Variants in UNC5D observed in about 807,000 individuals in gnomAD.
UNC5D encodes unc-5 netrin receptor D.
A neutral mutation model predicts 105.4 loss-of-function variants in UNC5D; 39 were observed. The ratio of observed to expected loss-of-function variants is 0.37; its 90% CI spans 0.29 to 0.48. The LOEUF (loss-of-function observed/expected upper bound fraction) is 0.48, where lower values mean the gene tolerates loss of function less well. Among genes scored for constraint, UNC5D ranks in the 20% least tolerant of loss-of-function variants. The pLI, the probability that UNC5D is intolerant of heterozygous loss-of-function variation, is 0.98. For missense variants in UNC5D, 991 were observed against 1,202.4 expected (o/e 0.82, Z 2.60); for synonymous variants, 452 against 450.4 (o/e 1.00, Z -0.04).
intron 16 of UNC5D, among the ~76,000 whole-genome samples, chr8:35,788,826 A>G (rs1802874766): frequency 1.3e-5 from 2 of 151,938 alleles, no homozygotes; most frequent in South Asian, 4.1e-4. Flanking sequence ...GAATTGAACC[A>G]TTGGACACAG....
intron 1 of UNC5D, among the ~76,000 whole-genome samples, chr8:35,543,729 A>G (rs1815437028): frequency 6.6e-6 from 1 of 152,138 alleles, no homozygotes; most frequent in African/African-American, 2.4e-5. Flanking sequence ...AGTTCTCTCA[A>G]AAATATTTAT....
intron 1 of UNC5D, among the ~76,000 whole-genome samples, chr8:35,263,757 G>A (rs1804646238): frequency 2.0e-5 from 3 of 152,304 alleles, no homozygotes; most frequent in Non-Finnish European, 4.4e-5. Context: ...AGAATTAGGT[G>A]GCTGATTTTT....
chr8:35,778,104 T>C (rs1483125528), intron 16 of UNC5D, among the ~76,000 whole-genome samples: 1 of 152,188 alleles, frequency 6.6e-6, no homozygotes, highest in East Asian at 1.9e-4. Context: ...TTTTAAGTAG[T>C]ACTGAAAAAG....
chr8:35,343,510 T>C (rs1045610934), intron 1 of UNC5D, among the ~76,000 whole-genome samples: 3 of 152,148 alleles, frequency 2.0e-5, no homozygotes, highest in African/African-American at 7.2e-5. Flanking sequence ...ATTGAGGTTT[T>C]AGTTTTTTTC....
chr8:35,405,784 G>A (rs1585767477), intron 1 of UNC5D, among the ~76,000 whole-genome samples: 1 of 151,710 alleles, frequency 6.6e-6, no homozygotes, highest in African/African-American at 2.4e-5. Flanking sequence ...CCAGCTTTTA[G>A]CACTTCTTTC....
intron 16 of UNC5D, among the ~76,000 whole-genome samples, chr8:35,782,171 C>A (rs1802531024): frequency 6.6e-6 from 1 of 152,108 alleles, no homozygotes; most frequent in African/African-American, 2.4e-5. Context: ...TTGTTGACTA[C>A]CCAGTGAAAT....
intron 1 of UNC5D, among the ~76,000 whole-genome samples, chr8:35,385,975 A>G (rs1034010067): frequency 4.6e-5 from 7 of 152,202 alleles, no homozygotes; most frequent in African/African-American, 1.4e-4. Context: ...ATACGATTCC[A>G]TACTATCTAT....
At chr8:35,644,559 G>T (rs1822935266) in intron 4 of UNC5D, among the ~76,000 whole-genome samples, 1 of 152,056 alleles carries the variant, frequency 6.6e-6, no homozygotes, top group South Asian at 2.1e-4. Context: ...GCACCATTTT[G>T]ATCAGTTTTA....
chr8:35,699,715 T>C (rs1827048168), intron 7 of UNC5D, among the ~76,000 whole-genome samples: 1 of 152,132 alleles, frequency 6.6e-6, no homozygotes, highest in Admixed American at 6.6e-5. Context: ...CTATACAGGC[T>C]GGGAAGCTGG....
chr8:35,733,431 C>T (rs928586767), intron 11 of UNC5D, among the ~76,000 whole-genome samples: 3 of 152,166 alleles, frequency 2.0e-5, no homozygotes, highest in Admixed American at 6.6e-5. Context: ...TTGGGCTGTA[C>T]GTCTGCCATC....
chr8:35,368,085 G>T (rs1024750138), intron 1 of UNC5D, among the ~76,000 whole-genome samples: 1 of 152,112 alleles, frequency 6.6e-6, no homozygotes, highest in Non-Finnish European at 1.5e-5. Flanking sequence ...TCCACTAAGT[G>T]ACATATTTCC....
At chr8:35,262,512 A>T (rs954354762) in intron 1 of UNC5D, among the ~76,000 whole-genome samples, 1 of 152,216 alleles carries the variant, frequency 6.6e-6, no homozygotes, top group African/African-American at 2.4e-5. Flanking sequence ...AAGCCTTTCC[A>T]GCACAGTTCA....
At chr8:35,488,643 G>A (rs557524774) in intron 1 of UNC5D, among the ~76,000 whole-genome samples, 9 of 152,302 alleles carry the variant, frequency 5.9e-5, no homozygotes, top group East Asian at 3.9e-4. Flanking sequence ...CCTTAACATT[G>A]AATTGTGTTT....
At chr8:35,712,552 CCTTAAAGT>C (rs1183327164) in intron 8 of UNC5D, among the ~76,000 whole-genome samples, 1 of 152,172 alleles carries the variant, frequency 6.6e-6, no homozygotes, top group African/African-American at 2.4e-5. Flanking sequence ...CTGAATGCAT[CCTTAAAGT>C]CTGAAAAGTA....
Position 35,291,953 on chromosome 8 carries a change from A to C in UNC5D, c.103+56066A>C, listed in dbSNP as rs543586005. 2.0e-5 allele frequency among the ~76,000 whole-genome samples: 3 copies of C among 152,358 alleles called. No homozygotes were observed. The South Asian group carries it at 6.2e-4, about 32-fold the overall frequency. ...TGAGAAGAGATTGTACAGCCATGGA[A>C]AAAATATTCGTTATCCATGAACATT... On this transcript the variant is annotated intron_variant, in intron 1 of 16. Coordinates refer to ENST00000404895, the MANE Select transcript of UNC5D (RefSeq NM_080872.4).
At chr8:35,738,271 A>G (rs193098916) in intron 11 of UNC5D, among the ~76,000 whole-genome samples, 127 of 152,308 alleles carry the variant, frequency 8.3e-4, no homozygotes, top group Non-Finnish European at 1.6e-3. Context: ...TTTATCATCT[A>G]CCAGTTTTAT....
chr8:35,362,114 A>G (rs1801888945), intron 1 of UNC5D, among the ~76,000 whole-genome samples: 1 of 152,188 alleles, frequency 6.6e-6, no homozygotes. Flanking sequence ...AATATTTATA[A>G]TAGAGACAGA....
At chr8:35,755,478 A>ATGTATG (rs1554601812) in intron 13 of UNC5D, among the ~76,000 whole-genome samples, 62 of 150,498 alleles carry the variant, frequency 4.1e-4, no homozygotes, top group African/African-American at 1.4e-3. Flanking sequence ...ATTTGTGTGT[A>ATGTATG]TGTGTGTGTG....
At position 35,628,120 on chromosome 8, in the gene UNC5D, T is replaced by C. The variant is rs186418227; in HGVS notation, c.570+32463T>C. On this transcript the variant is annotated intron_variant, in intron 4 of 16. Coordinates refer to ENST00000404895, the MANE Select transcript of UNC5D (RefSeq NM_080872.4). ...TTTAAGAAAGCTCTTTATTTATTTA[T>C]TTACTTACTTACTTACTTACTTATT... Among the ~76,000 whole-genome samples, 122 of 151,846 alleles carry C rather than the reference T, an allele frequency of 8.0e-4. 1 individual carries two copies. The highest frequency in any genetic ancestry group is 1.4e-3 in the East Asian group (7 of 5,172).
Sources: gnomAD v4.1 joint callset for allele counts (sites outside exome capture counted in the v4.1 genomes callset) on GRCh38, gnomAD v4.1.1 for gene constraint, MANE v1.5 for transcripts, NCBI Gene and HGNC (gene_info 2026-07-23, HGNC 2026-07-21) for gene names.